EYS: variants seen among roughly 807,000 people sequenced by gnomAD.
EYS encodes the protein EGF-like photoreceptor maintenance factor, also known as protein eyes shut homolog.
In EYS, 250 loss-of-function variants were observed where a neutral mutation model predicts 282.1. That is an observed-to-expected ratio of 0.89 (90% CI 0.80 to 0.98). The LOEUF (loss-of-function observed/expected upper bound fraction) is 0.98, where lower values mean the gene tolerates loss of function less well. Ranked by LOEUF, EYS falls within the 50% of genes least tolerant of loss-of-function variation. The probability of loss-of-function intolerance (pLI) is 0.00; values close to 1 mark genes in which losing one functional copy is unlikely to be tolerated. For synonymous variants in EYS, 1,355 were observed against 1,282.9 expected (o/e 1.06, Z -1.20); for missense variants, 4,016 against 3,709.0 (o/e 1.08, Z -2.15).
At chr6:64,087,734 C>T (rs1024690990) in intron 31 of EYS, among the ~76,000 whole-genome samples, 1 of 151,892 alleles carries the variant, frequency 6.6e-6, no homozygotes, top group African/African-American at 2.4e-5. Context: ...GATGAGATTC[C>T]AGCATTTTTC....
chr6:64,383,054 A>G (rs642173), intron 29 of EYS, among the ~76,000 whole-genome samples: 110,071 of 152,080 alleles, frequency 0.72, 39,967 homozygotes, highest in African/African-American at 0.8. Context: ...TTGGGAGGCT[A>G]AGGTGGATGG....
intron 31 of EYS, among the ~76,000 whole-genome samples, chr6:64,103,571 C>A (rs191679836): frequency 6.6e-6 from 1 of 151,856 alleles, no homozygotes; most frequent in African/African-American, 2.4e-5. Flanking sequence ...ACAGACTATG[C>A]GAGATTAATA....
rs187224030 is a variant in EYS, at chr6:64,690,198, A to T, written c.3444-63953T>A. ...GAACAGACACTTCTCGAAAGAAGAC[A>T]TTTATGCAGCCAACAAACACATGAA... On this transcript the variant is annotated intron_variant, in intron 22 of 42. Coordinates refer to ENST00000503581, the MANE Select transcript of EYS (RefSeq NM_001142800.2). Among the ~76,000 whole-genome samples the T allele has an allele frequency of 7.0e-3, 1,071 of 152,230 alleles. 11 individuals are homozygous for T. The highest frequency in any genetic ancestry group is 0.024 in the African/African-American group (1,005 of 41,526).
chr6:64,994,539 T>G (rs1248935579), intron 14 of EYS, among the ~76,000 whole-genome samples: 1 of 152,106 alleles, frequency 6.6e-6, no homozygotes, highest in Non-Finnish European at 1.5e-5. Flanking sequence ...ATAGATTAAA[T>G]AAATCATCTT....
intron 22 of EYS, among the ~76,000 whole-genome samples, chr6:64,627,244 G>A (rs1582969335): frequency 6.6e-6 from 1 of 152,188 alleles, no homozygotes; most frequent in East Asian, 1.9e-4. Context: ...AAATAGACAA[G>A]TAGCCGACAC....
At chr6:65,172,830 A>C (rs1169964905) in intron 12 of EYS, among the ~76,000 whole-genome samples, 2 of 151,274 alleles carry the variant, frequency 1.3e-5, no homozygotes, top group Admixed American at 1.3e-4. Flanking sequence ...CTTAGATAAG[A>C]GAATAGTATC....
At chr6:65,005,360 G>C (rs563347326) in intron 13 of EYS, among the ~76,000 whole-genome samples, 19 of 147,494 alleles carry the variant, frequency 1.3e-4, no homozygotes, top group African/African-American at 4.4e-4. Flanking sequence ...AACACTTACC[G>C]CATGGCCCAA....
intron 29 of EYS, among the ~76,000 whole-genome samples, chr6:64,382,299 C>T (rs1017069628): frequency 3.9e-5 from 6 of 152,244 alleles, no homozygotes; most frequent in Admixed American, 3.3e-4. Context: ...TATTTAAATA[C>T]TATAGCCTGA....
At chr6:65,365,097 G>A (rs1764866397) in intron 8 of EYS, among the ~76,000 whole-genome samples, 1 of 151,638 alleles carries the variant, frequency 6.6e-6, no homozygotes, top group African/African-American at 2.4e-5. Context: ...CAGGACTTCA[G>A]CCAACTATCA....
chr6:64,232,884 T>G (rs980294705), intron 30 of EYS, among the ~76,000 whole-genome samples: 1 of 152,218 alleles, frequency 6.6e-6, no homozygotes, highest in African/African-American at 2.4e-5. Context: ...TATTAGTCCT[T>G]GCGATATAAG....
intron 36 of EYS, among the ~76,000 whole-genome samples, chr6:63,834,158 T>C (rs1053952907): frequency 1.3e-5 from 2 of 152,140 alleles, no homozygotes; most frequent in African/African-American, 4.8e-5. Flanking sequence ...GGGCAAGGAC[T>C]TCATGACTAA....
chr6:64,568,952 G>T (rs1203383981), intron 26 of EYS, among the ~76,000 whole-genome samples: 1 of 140,546 alleles, frequency 7.1e-6, no homozygotes, highest in Non-Finnish European at 1.5e-5. Context: ...CAAAAAGGAC[G>T]CCCACACAGA....
At chr6:65,326,439 T>G (rs1157191866) in intron 11 of EYS, among the ~76,000 whole-genome samples, 1 of 151,458 alleles carries the variant, frequency 6.6e-6, no homozygotes, top group Non-Finnish European at 1.5e-5. Flanking sequence ...CATATGCATA[T>G]GACTCATATA....
chr6:64,546,357 A>G (rs1380510016), intron 26 of EYS, among the ~76,000 whole-genome samples: 10 of 152,216 alleles, frequency 6.6e-5, no homozygotes, highest in Admixed American at 4.6e-4. Flanking sequence ...CTTACACCTT[A>G]TACAAAAATT....
At chr6:64,685,302 TTA>T (rs1440436867) in intron 22 of EYS, among the ~76,000 whole-genome samples, 3 of 50,304 alleles carry the variant, frequency 6.0e-5, no homozygotes, top group Admixed American at 1.8e-4. Flanking sequence ...AATACTTGAT[TTA>T]AAAAAAATCT....
chr6:63,800,800 G>A (rs554816873), intron 37 of EYS, among the ~76,000 whole-genome samples: 139 of 152,244 alleles, frequency 9.1e-4, no homozygotes, highest in African/African-American at 3.1e-3. Context: ...GCGAGACTCC[G>A]TCTCAAAAAA....
chr6:64,093,030 T>A (rs1772430579), intron 31 of EYS, among the ~76,000 whole-genome samples: 1 of 152,116 alleles, frequency 6.6e-6, no homozygotes, highest in South Asian at 2.1e-4. Flanking sequence ...CCATTGCTTG[T>A]TTTTCTCAGA....
At position 64,439,228 on chromosome 6, in the gene EYS, G is replaced by A; in HGVS notation, c.5769C>T (p.Val1923=). 1 of 1,493,798 alleles carries A rather than the reference G, an allele frequency of 6.7e-7. No homozygotes were observed. Among genetic ancestry groups the A allele is most frequent in the Non-Finnish European group, 8.9e-7 (1 of 1,122,326 alleles). 92.5% of individuals were successfully genotyped at this position (1,493,798 alleles called of 1,614,324 possible). A position where few individuals can be genotyped will look rare whatever the true frequency, so the allele number is the denominator to read the frequency against. Residue 1923 remains valine, a synonymous_variant, in exon 27 of 43, where the codon GTC becomes GTT. Transcript: ENST00000503581. ...TFSSYGLLLY[V]KQDSNLVDGF... ...CATCTACTAAATTTGAGTCTTGCTTGACATACAGCAGAAGTCCATAGGAGC... is the reference window on the plus strand; with the variant it reads ...CATCTACTAAATTTGAGTCTTGCTTAACATACAGCAGAAGTCCATAGGAGC...
rs1055183118 is a variant in EYS at position 63,762,571 on chromosome 6, G to A, written c.7961C>T (p.Pro2654Leu). Residue 2654 changes from proline to leucine, a missense_variant, in exon 41 of 43, where the codon CCT becomes CTT. Physicochemically the swap from Pro to Leu is moderately conservative, Grantham distance 98. Coordinates refer to ENST00000503581, the MANE Select transcript of EYS (RefSeq NM_001142800.2). ...FCTETVSTCD[P>L]EHDPPHHCSR... ...ACAGTGGTGTGGAGGGTCATGTTCA[G>A]GATCACAGGTAGAAACTGTCTCTGT... 2 of 1,550,454 alleles carry A rather than the reference G, an allele frequency of 1.3e-6. No homozygotes were observed. The highest frequency in any genetic ancestry group is 1.7e-6 in the Non-Finnish European group (2 of 1,146,154).
Sources: gnomAD v4.1 joint callset for allele counts (sites outside exome capture counted in the v4.1 genomes callset) on GRCh38, gnomAD v4.1.1 for gene constraint, MANE v1.5 for transcripts, NCBI Gene and HGNC (gene_info 2026-07-23, HGNC 2026-07-21) for gene names.